The following IL1RAPL2 variants were observed in gnomAD, a reference collection of about 807,000 sequenced individuals.
The protein encoded by IL1RAPL2 is X-linked interleukin-1 receptor accessory protein-like 2.
Under a neutral mutation model 44.1 loss-of-function variants are expected in IL1RAPL2, and 3 were observed. That is an observed-to-expected ratio of 0.07 (90% CI 0.03 to 0.18). The LOEUF (loss-of-function observed/expected upper bound fraction) is 0.18, where lower values mean the gene tolerates loss of function less well. Among genes scored for constraint, IL1RAPL2 ranks in the 10% least tolerant of loss-of-function variants. The probability of loss-of-function intolerance (pLI) is 1.00; values close to 1 mark genes in which losing one functional copy is unlikely to be tolerated. For synonymous variants in IL1RAPL2, 181 were observed against 178.8 expected (o/e 1.01, Z -0.10); for missense variants, 391 against 496.4 (o/e 0.79, Z 2.02).
chrX:104,646,465 T>C (rs764772497), intron 1 of IL1RAPL2, among the ~76,000 whole-genome samples: 20 of 111,638 alleles, frequency 1.8e-4, no homozygotes, highest in Non-Finnish European at 3.6e-4. Context: ...TATGCTGTTG[T>C]AGGTATCATA....
Position 105,217,426 on chromosome X carries a change from C to T in IL1RAPL2, c.357-16392C>T, listed in dbSNP as rs781831791. On this transcript the variant is annotated intron_variant, in intron 3 of 10. Coordinates refer to ENST00000372582, the MANE Select transcript of IL1RAPL2 (RefSeq NM_017416.2). ...TACCACCTCACACCAGTTAGAATGG[C>T]GATCATTAAAAAGTCAGGAAACAAC... 1.1e-3 allele frequency among the ~76,000 whole-genome samples: 124 copies of T among 111,549 alleles called. 2 individuals carry two copies. Among genetic ancestry groups the T allele is most frequent in the Admixed American group, 4.6e-3 (49 of 10,554 alleles).
At chrX:105,447,449 A>G (rs1476871583) in intron 5 of IL1RAPL2, among the ~76,000 whole-genome samples, 1 of 74,301 alleles carries the variant, frequency 1.3e-5, no homozygotes, top group Non-Finnish European at 2.2e-5. Context: ...GTATATAAAT[A>G]TAAATAAACA....
At chrX:105,386,508 C>G (rs1229712841) in intron 5 of IL1RAPL2, among the ~76,000 whole-genome samples, 2 of 111,518 alleles carry the variant, frequency 1.8e-5, no homozygotes, top group Admixed American at 9.6e-5. Flanking sequence ...TACAGTACTA[C>G]TTTGTGACAA....
chrX:105,447,754 A>G (rs1419907782), intron 5 of IL1RAPL2, among the ~76,000 whole-genome samples: 1 of 86,839 alleles, frequency 1.2e-5, no homozygotes, highest in Admixed American at 1.6e-4. Flanking sequence ...TTATACATAT[A>G]AATATGTAAA....
At chrX:105,031,868 G>A (rs1013169375) in intron 2 of IL1RAPL2, among the ~76,000 whole-genome samples, 4 of 111,301 alleles carry the variant, frequency 3.6e-5, no homozygotes, top group Admixed American at 9.5e-5. Context: ...GACTTTTTTT[G>A]GTTGGTAAGC....
chrX:105,437,281 A>T (rs1164591636), intron 5 of IL1RAPL2, among the ~76,000 whole-genome samples: 3 of 110,076 alleles, frequency 2.7e-5, no homozygotes, highest in African/African-American at 9.9e-5. Context: ...CTTCTTTTTT[A>T]TTCTTATTAA....
intron 1 of IL1RAPL2, among the ~76,000 whole-genome samples, chrX:104,621,944 T>A (rs1274440471): frequency 9.0e-6 from 1 of 111,336 alleles, no homozygotes; most frequent in Non-Finnish European, 1.9e-5. Flanking sequence ...CTTAAATTAG[T>A]CATGCCTTAG....
intron 2 of IL1RAPL2, among the ~76,000 whole-genome samples, chrX:105,175,126 G>A (rs2033460866): frequency 9.0e-6 from 1 of 111,340 alleles, no homozygotes; most frequent in African/African-American, 3.3e-5. Context: ...AATACACAGT[G>A]AGGAGTTAAG....
At chrX:104,706,611 A>G (rs1245202653) in intron 2 of IL1RAPL2, among the ~76,000 whole-genome samples, 1 of 112,230 alleles carries the variant, frequency 8.9e-6, no homozygotes, top group East Asian at 2.8e-4. Context: ...TAATTTACTC[A>G]GCAAATTCAT....
At chrX:105,759,944 A>T (rs1435623510) in intron 10 of IL1RAPL2, among the ~76,000 whole-genome samples, 2 of 111,937 alleles carry the variant, frequency 1.8e-5, no homozygotes, top group Non-Finnish European at 3.8e-5. Flanking sequence ...CGTTTTCCAG[A>T]CAATCTGATG....
chrX:104,948,004 G>T (rs1403499883), intron 2 of IL1RAPL2, among the ~76,000 whole-genome samples: 2 of 110,975 alleles, frequency 1.8e-5, no homozygotes, highest in African/African-American at 6.5e-5. Flanking sequence ...AAATTACCTT[G>T]GGCAGTATGG....
chrX:105,183,063 G>C (rs1313282595), intron 2 of IL1RAPL2, among the ~76,000 whole-genome samples: 1 of 111,151 alleles, frequency 9.0e-6, no homozygotes, highest in Non-Finnish European at 1.9e-5. Flanking sequence ...GCACTGTGGC[G>C]AGTGGAGGGT....
At chrX:105,140,760 A>C (rs1033415719) in intron 2 of IL1RAPL2, among the ~76,000 whole-genome samples, 1 of 112,757 alleles carries the variant, frequency 8.9e-6, no homozygotes, top group Non-Finnish European at 1.9e-5. Context: ...GTTGTAATAT[A>C]AAATTATGTT....
chrX:104,917,423 G>A (rs1441935120), intron 2 of IL1RAPL2, among the ~76,000 whole-genome samples: 1 of 111,728 alleles, frequency 9.0e-6, no homozygotes, highest in Non-Finnish European at 1.9e-5. Context: ...GGTCAAATGT[G>A]GTCCTGGGTA....
At chrX:105,133,557 A>C (rs779229759) in intron 2 of IL1RAPL2, among the ~76,000 whole-genome samples, 1 of 111,988 alleles carries the variant, frequency 8.9e-6, no homozygotes, top group Non-Finnish European at 1.9e-5. Context: ...ACCAACAATA[A>C]CAATAATTAC....
chrX:105,515,569 A>G (rs1192180586), intron 6 of IL1RAPL2, among the ~76,000 whole-genome samples: 1 of 111,627 alleles, frequency 9.0e-6, no homozygotes, highest in Non-Finnish European at 1.9e-5. Flanking sequence ...ACACAACTGG[A>G]ATGCAACTGA....
At chrX:105,224,258 T>C (rs1368138194) in intron 3 of IL1RAPL2, among the ~76,000 whole-genome samples, 1 of 111,089 alleles carries the variant, frequency 9.0e-6, no homozygotes, top group Admixed American at 9.6e-5. Flanking sequence ...AGGAGAAATT[T>C]GGAAGGTAAA....
intron 2 of IL1RAPL2, among the ~76,000 whole-genome samples, chrX:105,046,057 A>C (rs980523881): frequency 1.8e-5 from 2 of 111,650 alleles, no homozygotes; most frequent in African/African-American, 6.5e-5. Context: ...TTAGGAAGAG[A>C]AAACATTAAG....
intron 2 of IL1RAPL2, among the ~76,000 whole-genome samples, chrX:104,735,522 T>G (rs1377690394): frequency 9.0e-6 from 1 of 111,391 alleles, no homozygotes; most frequent in Admixed American, 9.6e-5. Context: ...AGAGACACAG[T>G]AGCCACACAA....
Sources: allele counts gnomAD v4.1 joint callset (sites outside exome capture counted in the v4.1 genomes callset), GRCh38; gene constraint gnomAD v4.1.1; transcripts MANE v1.5; gene names NCBI Gene and HGNC (gene_info 2026-07-23, HGNC 2026-07-21).